The following CEP41 variants were observed in gnomAD, a reference collection of about 807,000 sequenced individuals.
CEP41 encodes the protein centrosomal protein 41, also known as centrosomal protein of 41 kDa.
CEP41 carries 32 observed loss-of-function variants against 44.3 expected under a neutral mutation model. The ratio of observed to expected loss-of-function variants is 0.72; its 90% CI spans 0.54 to 0.97. The LOEUF is 0.97. CEP41 is among the 50% of genes least tolerant of loss of function. CEP41 has a pLI of 0.00. For missense variants in CEP41, 432 were observed against 455.2 expected, an observed-to-expected ratio of 0.95 and a Z score of 0.46; for synonymous variants, 151 against 168.5, an observed-to-expected ratio of 0.90 and a Z score of 0.80.
At position 130,400,735 on chromosome 7, in the gene CEP41, TC is replaced by T; in HGVS notation, c.728del (p.Gly243AspfsTer12). 6.2e-7 allele frequency: 1 copy of T among 1,613,382 alleles called. No homozygotes were observed. On this transcript the variant is annotated frameshift_variant, in exon 9 of 11. Coordinates refer to ENST00000223208, the MANE Select transcript of CEP41 (RefSeq NM_018718.3). LOFTEE classifies it high-confidence loss of function. The stretch of plus-strand genomic sequence containing the variant: ...CGGAAAGCATGAAGAGGTTTTCAAA[TC>T]CACGCTCGCACATGGTGGTGGCCGC... ...SQAATTMCER[G>X]FENLFMLSGG...
Position 130,398,818 on chromosome 7 carries a change from G to T in CEP41, c.*73C>A. The T allele has an allele frequency of 6.4e-7, 1 of 1,562,644 alleles. No homozygotes were observed. Among genetic ancestry groups the T allele is most frequent in the South Asian group, 1.1e-5 (1 of 89,764 alleles). On this transcript the variant is annotated 3_prime_UTR_variant, in exon 11 of 11. Transcript: ENST00000223208. ...TTCCTCTGCAGAAGTTTCTGGAAAT[G>T]ACCCAACTTGGGAAATGCTCAGGGG...
At chr7:130,399,258 G>GT (rs554274884) in intron 10 of CEP41, 173 of 591,140 alleles carry the variant, frequency 2.9e-4, no homozygotes, top group African/African-American at 2.5e-3. Flanking sequence ...ACCCAGATAG[G>GT]TTTTTTTTCC....
intron 2 of CEP41, chr7:130,426,571 G>A (rs1554423538): frequency 2.3e-6 from 1 of 440,422 alleles, no homozygotes; most frequent in African/African-American, 2.1e-5. Context: ...ATAGTAGTCT[G>A]TAAAATAATA....
At chr7:130,412,144 A>T in intron 4 of CEP41, 35 bp downstream of exon 4, 3 of 1,182,300 alleles carry the variant, frequency 2.5e-6, no homozygotes, top group Non-Finnish European at 3.8e-6. Flanking sequence ...CAAATTAGAC[A>T]GACTTTACTC....
intron 5 of CEP41, among the ~76,000 whole-genome samples, chr7:130,407,253 AACAC>A (rs60030288): frequency 0.062 from 8,027 of 129,216 alleles, 284 homozygotes; most frequent in African/African-American, 0.12. Flanking sequence ...AACAAGAGTA[AACAC>A]ACACACACAC....
intron 5 of CEP41, among the ~76,000 whole-genome samples, chr7:130,406,605 T>C (rs1347405037): frequency 1.3e-5 from 2 of 151,858 alleles, no homozygotes; most frequent in African/African-American, 4.8e-5. Context: ...TAAATAAAAA[T>C]AAAAATAACA....
rs552697450 is a variant in CEP41, at chr7:130,393,820, A to G, written c.*5071T>C. 9.4e-4 allele frequency: 425 copies of G among 454,092 alleles called. 4 individuals carry two copies. The highest frequency in any genetic ancestry group is 6.5e-3 in the South Asian group (418 of 64,468). The allele number at this position is 454,092 out of a possible 1,614,324, so 28.1% of individuals were successfully genotyped here. A position where few individuals can be genotyped will look rare whatever the true frequency, so the allele number is the denominator to read the frequency against. ...GAATGGCTAGACCTATCAGGAAAAC[A>G]GCCTACTTTTTTCCCCCTACAATAT... On this transcript the variant is annotated 3_prime_UTR_variant, in exon 11 of 11. Transcript: ENST00000223208.
chr7:130,397,357 A>G lies in CEP41; in HGVS notation c.*1534T>C, dbSNP rs149912245. The G allele has an allele frequency of 7.4e-4, 336 of 454,488 alleles. 2 individuals are homozygous for G. The East Asian group carries it at 0.022, about 30-fold the overall frequency. The allele number at this position is 454,488 out of a possible 1,614,324, so 28.2% of individuals were successfully genotyped here. Reference sequence around the variant, plus strand: ...TTTCTAAAGCATCGGAAAATGTTGCACTTTGGAAATCAAGTAGAGAAGAAT... The same window carrying G: ...TTTCTAAAGCATCGGAAAATGTTGCGCTTTGGAAATCAAGTAGAGAAGAAT... On this transcript the variant is annotated 3_prime_UTR_variant, in exon 11 of 11. Coordinates refer to ENST00000223208, the MANE Select transcript of CEP41 (RefSeq NM_018718.3).
At chr7:130,421,314 G>A in intron 2 of CEP41, 1 of 985,418 alleles carries the variant, frequency 1.0e-6, no homozygotes, top group South Asian at 4.7e-5. Context: ...GTTGCTAAGA[G>A]ACAACTCCAT....
chr7:130,428,203 C>A (rs1205576621), intron 1 of CEP41, among the ~76,000 whole-genome samples, 185 bp from the exon 2 acceptor site: 3 of 151,956 alleles, frequency 2.0e-5, no homozygotes, highest in African/African-American at 7.3e-5. Flanking sequence ...GTGGGTGGAT[C>A]ACCTAAGGTC....
At chr7:130,425,052 G>A (rs1797620584) in intron 2 of CEP41, among the ~76,000 whole-genome samples, 1 of 152,134 alleles carries the variant, frequency 6.6e-6, no homozygotes, top group Admixed American at 6.5e-5. Context: ...GATATGAACA[G>A]GTATTTCACC....
At position 130,404,723 on chromosome 7, in the gene CEP41, T is replaced by G. The variant is rs142452124; in HGVS notation, c.278-15A>C. The G allele has an allele frequency of 6.4e-4, 1,013 of 1,593,002 alleles. 2 individuals carry two copies. Among genetic ancestry groups the G allele is most frequent in the Non-Finnish European group, 8.0e-4 (934 of 1,160,968 alleles). On this transcript the variant is annotated splice_polypyrimidine_tract_variant and intron_variant, in intron 5 of 10. Transcript: ENST00000223208. The stretch of plus-strand genomic sequence containing the variant: ...AGAATCATTGTCTAATATTTACAAA[T>G]GAAGAAATAATTAGATTGAACCTCA...
chr7:130,439,556 AACC>A (rs1386320322), intron 1 of CEP41, among the ~76,000 whole-genome samples: 1 of 152,078 alleles, frequency 6.6e-6, no homozygotes, highest in Non-Finnish European at 1.5e-5. Context: ...AGGCTCTGGT[AACC>A]ACCATTTTAT....
rs1554414830 is a variant in CEP41, at chr7:130,396,897, C to CT, written c.*1993dup. ...GTGGTTTCTAATACTCCAAAGTTGT[C>CT]TGACGATGGGAACGCAGAATCGGAA... On this transcript the variant is annotated 3_prime_UTR_variant, in exon 11 of 11. Coordinates refer to ENST00000223208, the MANE Select transcript of CEP41 (RefSeq NM_018718.3). 8.9e-6 allele frequency: 4 copies of CT among 447,306 alleles called. No homozygotes were observed. The highest frequency in any genetic ancestry group is 1.8e-5 in the Non-Finnish European group (4 of 223,592). 27.7% of individuals were successfully genotyped at this position (447,306 alleles called of 1,614,324 possible).
intron 2 of CEP41, chr7:130,421,078 T>C: frequency 4.1e-6 from 4 of 983,584 alleles, no homozygotes; most frequent in Non-Finnish European, 4.8e-6. Flanking sequence ...AAAAGATATA[T>C]AACAAAACTT....
In CEP41 at chr7:130,440,951, G is replaced by A; in HGVS notation, c.16C>T (p.His6Tyr). ...GCCCTCACCTCAGGGTTCCCAATGT[G>A]CCTCCGGAGGGACATATTTTCTCCA... is the stretch of plus-strand genomic sequence containing the variant. MSLRR[H>Y]IGNPEYLMKR... Residue 6 changes from histidine to tyrosine, a missense_variant, in exon 1 of 11, where the codon CAC (histidine) becomes TAC (tyrosine). Physicochemically the swap from His to Tyr is moderately conservative, Grantham distance 83 (BLOSUM62 2). Coordinates refer to ENST00000223208, the MANE Select transcript of CEP41 (RefSeq NM_018718.3). The A allele has an allele frequency of 6.2e-7, 1 of 1,612,646 alleles. No homozygotes were observed. Among genetic ancestry groups the A allele is most frequent in the Non-Finnish European group, 8.5e-7 (1 of 1,179,998 alleles).
At chr7:130,436,981 G>A (rs955089474) in intron 1 of CEP41, among the ~76,000 whole-genome samples, 72 of 152,204 alleles carry the variant, frequency 4.7e-4, no homozygotes, top group Admixed American at 2.5e-3. Flanking sequence ...GGAGGTTGTA[G>A]TGAGCCGAAA....
chr7:130,395,377 C>T lies in CEP41; in HGVS notation c.*3514G>A, dbSNP rs1468880341. ...GTGTTTCCTGGGGAAAAAAAAGTAT[C>T]GTGGGAGTTAAATCTTTGAAAGAAT... On this transcript the variant is annotated 3_prime_UTR_variant, in exon 11 of 11. Transcript: ENST00000223208. The T allele has an allele frequency of 1.5e-5, 7 of 453,656 alleles. No homozygotes were observed. Among genetic ancestry groups the T allele is most frequent in the East Asian group, 6.9e-5 (1 of 14,400 alleles). 28.1% of individuals were successfully genotyped at this position (453,656 alleles called of 1,614,324 possible).
chr7:130,424,268 C>G (rs987734474), intron 2 of CEP41, among the ~76,000 whole-genome samples: 1 of 151,726 alleles, frequency 6.6e-6, no homozygotes, highest in Admixed American at 6.6e-5. Flanking sequence ...GGCATGGTGG[C>G]GCCCGCCTGT....
Sources: gnomAD v4.1 joint callset for allele counts (sites outside exome capture counted in the v4.1 genomes callset) on GRCh38, gnomAD v4.1.1 for gene constraint, MANE v1.5 for transcripts, NCBI Gene and HGNC (gene_info 2026-07-23, HGNC 2026-07-21) for gene names.